Variants in ENOX2 observed in about 807,000 individuals in gnomAD.
The protein encoded by ENOX2 is ecto-NOX disulfide-thiol exchanger 2.
In ENOX2, 36 loss-of-function variants were observed where a neutral mutation model predicts 45.0. That is an observed-to-expected ratio of 0.80 (90% CI 0.61 to 1.06). The LOEUF is 1.06. ENOX2 is among the 50% of genes least tolerant of loss of function. The pLI is 0.00. For missense variants in ENOX2, 423 were observed against 462.5 expected, an observed-to-expected ratio of 0.91 and a Z score of 0.78; for synonymous variants, 174 against 152.3, an observed-to-expected ratio of 1.14 and a Z score of -1.05.
At chrX:130,892,981 T>G (rs1451465289) in intron 2 of ENOX2, among the ~76,000 whole-genome samples, 1 of 112,031 alleles carries the variant, frequency 8.9e-6, no homozygotes, top group Non-Finnish European at 1.9e-5. Flanking sequence ...TTCTTTTAAC[T>G]TTTCTCTGTA....
At chrX:130,871,389 T>C (rs752098299) in intron 2 of ENOX2, among the ~76,000 whole-genome samples, 1 of 111,453 alleles carries the variant, frequency 9.0e-6, no homozygotes, top group Non-Finnish European at 1.9e-5. Context: ...GTAGTACATA[T>C]AAATCACTAG....
intron 2 of ENOX2, among the ~76,000 whole-genome samples, chrX:130,858,463 G>A (rs1328187177): frequency 1.8e-5 from 2 of 110,735 alleles, no homozygotes; most frequent in Non-Finnish European, 3.8e-5. Context: ...AAAGCACACC[G>A]GGAAAAAAAG....
At chrX:130,732,575 A>G (rs2038763103) in intron 3 of ENOX2, among the ~76,000 whole-genome samples, 1 of 111,953 alleles carries the variant, frequency 8.9e-6, no homozygotes, top group Non-Finnish European at 1.9e-5. Context: ...GAAAGCTGGA[A>G]GCATCACATT....
intron 3 of ENOX2, among the ~76,000 whole-genome samples, chrX:130,747,174 G>C (rs149330228): frequency 9.0e-6 from 1 of 111,079 alleles, no homozygotes; most frequent in African/African-American, 3.3e-5. Context: ...TGTGAATCAT[G>C]GTTTAAACAA....
intron 2 of ENOX2, among the ~76,000 whole-genome samples, chrX:130,819,851 T>TA (rs1270537180): frequency 9.0e-6 from 1 of 111,147 alleles, no homozygotes; most frequent in Non-Finnish European, 1.9e-5. Context: ...TCCCAGAACT[T>TA]AAAGTATAAT....
intron 4 of ENOX2, among the ~76,000 whole-genome samples, chrX:130,689,510 C>T (rs5977347): frequency 0.013 from 1,438 of 112,141 alleles, 22 homozygotes; most frequent in African/African-American, 0.044. Flanking sequence ...ATCACCTACG[C>T]TACAGGAAGC....
chrX:130,860,099 G>A (rs1423542819), intron 2 of ENOX2, among the ~76,000 whole-genome samples: 1 of 110,792 alleles, frequency 9.0e-6, no homozygotes, highest in Non-Finnish European at 1.9e-5. Context: ...GGGATTACAG[G>A]GGCAAGCCAC....
intron 2 of ENOX2, among the ~76,000 whole-genome samples, chrX:130,823,189 T>C (rs1023136599): frequency 1.8e-5 from 2 of 111,355 alleles, no homozygotes; most frequent in Non-Finnish European, 3.8e-5. Flanking sequence ...GGCAGATATA[T>C]AGAGGGGCAG....
chrX:130,859,055 C>T (rs779814987), intron 2 of ENOX2, among the ~76,000 whole-genome samples: 2 of 112,452 alleles, frequency 1.8e-5, no homozygotes, highest in African/African-American at 3.2e-5. Context: ...TGGCTGGGCA[C>T]GGTGGCTCAC....
At chrX:130,823,362 C>T (rs912016013) in intron 2 of ENOX2, among the ~76,000 whole-genome samples, 3 of 110,786 alleles carry the variant, frequency 2.7e-5, no homozygotes, top group African/African-American at 9.9e-5. Flanking sequence ...GGATTCGAGC[C>T]GAGAATACCA....
At chrX:130,776,099 G>A (rs1296268828) in intron 3 of ENOX2, among the ~76,000 whole-genome samples, 1 of 111,240 alleles carries the variant, frequency 9.0e-6, no homozygotes. Flanking sequence ...CAGGTCCCAA[G>A]GACAAAAATG....
chrX:130,867,638 A>T (rs186494263), intron 2 of ENOX2, among the ~76,000 whole-genome samples: 369 of 111,776 alleles, frequency 3.3e-3, no homozygotes, highest in African/African-American at 0.011. Context: ...GCATTGGTAA[A>T]CTCTCAAGCT....
At chrX:130,670,953 T>C (rs1293225988) in intron 6 of ENOX2, among the ~76,000 whole-genome samples, 1 of 111,411 alleles carries the variant, frequency 9.0e-6, no homozygotes, top group East Asian at 2.8e-4. Flanking sequence ...TTTCAAGAGC[T>C]CAGCTAGATA....
intron 2 of ENOX2, among the ~76,000 whole-genome samples, chrX:130,842,658 A>G (rs1423312064): frequency 8.9e-6 from 1 of 112,073 alleles, no homozygotes; most frequent in Non-Finnish European, 1.9e-5. Context: ...TTCTCTCTGC[A>G]GCACTAAACT....
At chrX:130,808,514 A>G (rs2077342780) in intron 2 of ENOX2, among the ~76,000 whole-genome samples, 1 of 112,279 alleles carries the variant, frequency 8.9e-6, no homozygotes, top group African/African-American at 3.2e-5. Flanking sequence ...ATTATTCAGA[A>G]AGCAAGTTCC....
chrX:130,703,253 G>T lies in ENOX2; in HGVS notation c.-37C>A, dbSNP rs748847026. 1 of 1,182,630 alleles carries T rather than the reference G, an allele frequency of 8.5e-7. No individual in the cohort carries two copies. The highest frequency in any genetic ancestry group is 1.1e-6 in the Non-Finnish European group (1 of 882,426). On this transcript the variant is annotated splice_region_variant and 5_prime_UTR_variant, in exon 4 of 15. Transcript: ENST00000394363. Reference sequence around the variant, plus strand: ...CCACGTTCAGAGTTCTACTGTTATCGGCTGAAAAGAAATGACAAGCAAAAT... The same window carrying T: ...CCACGTTCAGAGTTCTACTGTTATCTGCTGAAAAGAAATGACAAGCAAAAT...
intron 1 of ENOX2, among the ~76,000 whole-genome samples, chrX:130,902,259 T>C (rs183922420): frequency 2.7e-5 from 3 of 111,891 alleles, no homozygotes; most frequent in Admixed American, 9.5e-5. Flanking sequence ...CCCTAAATGT[T>C]TGTCAACATT....
intron 4 of ENOX2, among the ~76,000 whole-genome samples, chrX:130,699,528 G>A (rs779861458): frequency 1.1e-3 from 118 of 111,924 alleles, no homozygotes; most frequent in Middle Eastern, 4.6e-3. Flanking sequence ...GAATTACTGA[G>A]CCTTTGATGG....
At chrX:130,734,198 T>C (rs1434191315) in intron 3 of ENOX2, among the ~76,000 whole-genome samples, 2 of 111,765 alleles carry the variant, frequency 1.8e-5, no homozygotes, top group African/African-American at 3.3e-5. Context: ...ATATTAGTTA[T>C]TGCTCTTACA....
Sources: allele counts gnomAD v4.1 joint callset (sites outside exome capture counted in the v4.1 genomes callset), GRCh38; gene constraint gnomAD v4.1.1; transcripts MANE v1.5; gene names NCBI Gene and HGNC (gene_info 2026-07-23, HGNC 2026-07-21).